ADAM7: variants seen among roughly 807,000 people sequenced by gnomAD.
The protein encoded by ADAM7 is ADAM metallopeptidase domain 7.
In ADAM7, 97 loss-of-function variants were observed where a neutral mutation model predicts 102.9. The observed-to-expected ratio is 0.94, with a 90% CI of 0.80 to 1.12. The LOEUF is 1.12. ADAM7 is among the 50% of genes most tolerant of loss of function. The pLI is 0.00. For synonymous variants in ADAM7, 334 were observed against 304.4 expected, an observed-to-expected ratio of 1.10 and a Z score of -1.01; for missense variants, 991 against 908.7, an observed-to-expected ratio of 1.09 and a Z score of -1.16.
chr8:24,450,964 G>C (rs112746069), intron 3 of ADAM7, among the ~76,000 whole-genome samples: 1 of 151,992 alleles, frequency 6.6e-6, no homozygotes, highest in African/African-American at 2.4e-5. Context: ...ATTGATTTGC[G>C]TATATTGAAC....
chr8:24,489,969 T>C (rs1466342709), intron 12 of ADAM7, among the ~76,000 whole-genome samples: 3 of 152,174 alleles, frequency 2.0e-5, no homozygotes, highest in Non-Finnish European at 2.9e-5. Context: ...CCAGGGGACA[T>C]TGTTAAAATG....
intron 7 of ADAM7, among the ~76,000 whole-genome samples, chr8:24,474,377 C>T (rs1819701701): frequency 1.3e-5 from 2 of 152,094 alleles, no homozygotes; most frequent in Non-Finnish European, 1.5e-5. Flanking sequence ...TACTCATATA[C>T]TAGGTGAAGG....
In ADAM7 at chr8:24,442,580, C is replaced by T. The variant is rs1306322824; in HGVS notation, c.156+4C>T. On this transcript the variant is annotated splice_donor_region_variant and intron_variant, in intron 2 of 21. Coordinates refer to ENST00000175238, the MANE Select transcript of ADAM7 (RefSeq NM_003817.4). Reference sequence around the variant, plus strand: ...CACCCATGATGATGACATACTGGTACAAGTTTTGATTTAGTAAATAAGATT... The same window carrying T: ...CACCCATGATGATGACATACTGGTATAAGTTTTGATTTAGTAAATAAGATT... 6.2e-7 allele frequency: 1 copy of T among 1,607,530 alleles called. No homozygotes were observed. Among genetic ancestry groups the T allele is most frequent in the Non-Finnish European group, 8.5e-7 (1 of 1,174,084 alleles).
chr8:24,499,102 T>C (rs1047306120), intron 16 of ADAM7, 134 bp from the exon 17 acceptor site: 1 of 636,602 alleles, frequency 1.6e-6, no homozygotes, highest in Non-Finnish European at 2.6e-6. Flanking sequence ...TAACTTATAA[T>C]TAAATCATGT....
chr8:24,477,949 ACT>A (rs1819823209), intron 8 of ADAM7, among the ~76,000 whole-genome samples: 1 of 151,120 alleles, frequency 6.6e-6, no homozygotes, highest in Admixed American at 6.6e-5. Context: ...AATTTCACTC[ACT>A]CTCTCTTATA....
intron 8 of ADAM7, among the ~76,000 whole-genome samples, chr8:24,477,214 C>A (rs180853007): frequency 6.6e-6 from 1 of 152,058 alleles, no homozygotes; most frequent in East Asian, 1.9e-4. Context: ...TTGTAAATAA[C>A]GAAGAAGTAG....
In ADAM7 at chr8:24,509,255, T is replaced by C. The variant is rs571423453; in HGVS notation, c.*709T>C. The C allele has an allele frequency of 9.6e-4, 944 of 985,324 alleles. No homozygotes were observed. The highest frequency in any genetic ancestry group is 1.1e-3 in the Non-Finnish European group (919 of 829,978). 61.0% of individuals were successfully genotyped at this position (985,324 alleles called of 1,614,324 possible). ...AAAATTTACTCCAAGTGAGAGGACA[T>C]ACTCACAACTCCTATGAAGGGTTTC... On this transcript the variant is annotated 3_prime_UTR_variant, in exon 22 of 22. Coordinates refer to ENST00000175238, the MANE Select transcript of ADAM7 (RefSeq NM_003817.4).
At chr8:24,505,250 T>A (rs539341754) in intron 20 of ADAM7, among the ~76,000 whole-genome samples, 2 of 152,266 alleles carry the variant, frequency 1.3e-5, no homozygotes, top group South Asian at 4.1e-4. Context: ...TACTGCTCAA[T>A]GATGAATAAC....
intron 17 of ADAM7, 129 bp downstream of exon 17, chr8:24,499,445 G>T: frequency 4.6e-6 from 3 of 658,472 alleles, no homozygotes; most frequent in Non-Finnish European, 4.5e-6. Context: ...ATATATATTT[G>T]GGATTCATTT....
chr8:24,444,132 A>G (rs1818468286), intron 2 of ADAM7, among the ~76,000 whole-genome samples: 1 of 151,086 alleles, frequency 6.6e-6, no homozygotes, highest in South Asian at 2.1e-4. Context: ...AGAAGCCAAC[A>G]GAAAGAGCTC....
At chr8:24,451,125 T>C (rs1818770719) in intron 3 of ADAM7, among the ~76,000 whole-genome samples, 2 of 151,888 alleles carry the variant, frequency 1.3e-5, no homozygotes, top group Non-Finnish European at 2.9e-5. Context: ...TTTGGTTGTG[T>C]CTCTGCCAGG....
chr8:24,443,816 T>TAATC (rs1196442060), intron 2 of ADAM7, among the ~76,000 whole-genome samples: 1 of 152,002 alleles, frequency 6.6e-6, no homozygotes, highest in African/African-American at 2.4e-5. Flanking sequence ...TGTGCACCTG[T>TAATC]AATCCCAGCT....
chr8:24,501,006 G>T, intron 19 of ADAM7, 111 bp downstream of exon 19: 1 of 847,582 alleles, frequency 1.2e-6, no homozygotes, highest in Non-Finnish European at 1.8e-6. Flanking sequence ...TCTTACTGAA[G>T]ATCAGGTAAG....
Position 24,487,331 on chromosome 8 carries a change from A to C in ADAM7, c.1091+14A>C. On this transcript the variant is annotated intron_variant, in intron 11 of 21. Coordinates refer to ENST00000175238, the MANE Select transcript of ADAM7 (RefSeq NM_003817.4). Reference sequence around the variant, plus strand: ...CAGTGATGGAAGGTGAGATTCGAACAATGTACAGAATACACTTACATAATT... The same window carrying C: ...CAGTGATGGAAGGTGAGATTCGAACCATGTACAGAATACACTTACATAATT... 6.2e-7 allele frequency: 1 copy of C among 1,612,502 alleles called. No individual in the cohort carries two copies.
intron 8 of ADAM7, among the ~76,000 whole-genome samples, chr8:24,481,268 A>C (rs1819943051): frequency 6.6e-6 from 1 of 152,196 alleles, no homozygotes; most frequent in South Asian, 2.1e-4. Context: ...TATTCATATC[A>C]TGTAGGTTAA....
intron 7 of ADAM7, among the ~76,000 whole-genome samples, chr8:24,471,392 C>A (rs986084174): frequency 6.6e-6 from 1 of 151,636 alleles, no homozygotes; most frequent in Admixed American, 6.6e-5. Context: ...ACCATTCATT[C>A]TTTGACTCGT....
Position 24,493,073 on chromosome 8 carries a change from T to C in ADAM7, c.1686T>C (p.Thr562=). ...TCAGATGTGGAAAGATCTACTGCAC[T>C]GGAGGGGAGCTTTCCTCTCTCCTTG... The part of the protein sequence containing the change: ...KDVRCGKIYC[T]GGELSSLLGE... Residue 562 remains threonine (T), a synonymous_variant, in exon 16 of 22, where the codon ACT becomes ACC. Coordinates refer to ENST00000175238, the MANE Select transcript of ADAM7 (RefSeq NM_003817.4). 1.2e-6 allele frequency: 2 copies of C among 1,606,916 alleles called. No individual in the cohort carries two copies. Among genetic ancestry groups the C allele is most frequent in the East Asian group, 2.3e-5 (1 of 44,432 alleles).
intron 7 of ADAM7, among the ~76,000 whole-genome samples, chr8:24,472,776 A>G (rs1269582771): frequency 1.3e-5 from 2 of 152,086 alleles, no homozygotes; most frequent in Non-Finnish European, 2.9e-5. Flanking sequence ...AAAACCACCA[A>G]GCAAAACAAA....
At chr8:24,477,245 A>G (rs984740234) in intron 8 of ADAM7, among the ~76,000 whole-genome samples, 12 of 152,208 alleles carry the variant, frequency 7.9e-5, no homozygotes, top group African/African-American at 2.9e-4. Context: ...TCATATGGAA[A>G]GTGTATGCTT....
Sources: allele counts gnomAD v4.1 joint callset (sites outside exome capture counted in the v4.1 genomes callset), GRCh38; gene constraint gnomAD v4.1.1; transcripts MANE v1.5; gene names NCBI Gene and HGNC (gene_info 2026-07-23, HGNC 2026-07-21).